ADGRB3: variants seen among roughly 807,000 people sequenced by gnomAD.
ADGRB3 encodes the protein brain-specific angiogenesis inhibitor 3.
ADGRB3 carries 37 observed loss-of-function variants against 193.4 expected under a neutral mutation model. That is an observed-to-expected ratio of 0.19 (90% CI 0.15 to 0.25). ADGRB3 has a LOEUF of 0.25. Among genes scored for constraint, ADGRB3 ranks in the 10% least tolerant of loss-of-function variants. ADGRB3 has a pLI of 1.00. For synonymous variants in ADGRB3, 690 were observed against 644.2 expected (o/e 1.07, Z -1.08); for missense variants, 1,637 against 1,852.9 (o/e 0.88, Z 2.14).
At chr6:69,248,767 T>G (rs913417735) in intron 20 of ADGRB3, among the ~76,000 whole-genome samples, 1 of 152,200 alleles carries the variant, frequency 6.6e-6, no homozygotes, top group Non-Finnish European at 1.5e-5. Context: ...AGAAGTATCT[T>G]ATGTGCATAC....
chr6:68,976,341 C>G lies in ADGRB3; in HGVS notation c.1734+1001C>G, dbSNP rs778586385. Among the ~76,000 whole-genome samples the G allele has an allele frequency of 5.9e-5, 9 of 151,998 alleles. No individual in the cohort carries two copies. The East Asian group carries it at 1.5e-3, about 26-fold the overall frequency. On this transcript the variant is annotated intron_variant, in intron 10 of 31. Coordinates refer to ENST00000370598, the MANE Select transcript of ADGRB3 (RefSeq NM_001704.3). Reference sequence around the variant, plus strand: ...AAGTCAAATTCTGTACAGCATGTTTCCTTATGAAACTTGGAGTTAAATTTA... The same window carrying G: ...AAGTCAAATTCTGTACAGCATGTTTGCTTATGAAACTTGGAGTTAAATTTA...
At chr6:69,133,626 G>A (rs1330519442) in intron 17 of ADGRB3, among the ~76,000 whole-genome samples, 2 of 151,784 alleles carry the variant, frequency 1.3e-5, no homozygotes, top group African/African-American at 4.8e-5. Flanking sequence ...TATGTGGCCA[G>A]CATCATCCTG....
chr6:68,911,276 G>A (rs1183648879), intron 3 of ADGRB3, among the ~76,000 whole-genome samples: 2 of 123,936 alleles, frequency 1.6e-5, no homozygotes, highest in Non-Finnish European at 3.3e-5. Context: ...GTGGGGTGGG[G>A]GGAGGGGGGA....
At chr6:69,097,714 G>A (rs915581345) in intron 17 of ADGRB3, among the ~76,000 whole-genome samples, 21 of 151,732 alleles carry the variant, frequency 1.4e-4, no homozygotes, top group South Asian at 2.1e-4. Flanking sequence ...GTGTGTGTGT[G>A]TATATATGGC....
chr6:69,011,317 C>T (rs1769930652), intron 11 of ADGRB3, among the ~76,000 whole-genome samples: 1 of 151,902 alleles, frequency 6.6e-6, no homozygotes, highest in Admixed American at 6.6e-5. Flanking sequence ...GAAATCATGC[C>T]CTGTGCTGCA....
intron 3 of ADGRB3, among the ~76,000 whole-genome samples, chr6:68,650,720 A>G (rs1348190606): frequency 6.6e-6 from 1 of 152,170 alleles, no homozygotes; most frequent in African/African-American, 2.4e-5. Context: ...CCGGAAAACA[A>G]TCAAGGCAAC....
At chr6:68,977,766 T>A (rs867435783) in intron 10 of ADGRB3, among the ~76,000 whole-genome samples, 2 of 152,234 alleles carry the variant, frequency 1.3e-5, no homozygotes, top group Non-Finnish European at 1.5e-5. Context: ...CATAAATGAA[T>A]CCCAGTCCTC....
chr6:68,755,985 G>A (rs1043872767), intron 3 of ADGRB3, among the ~76,000 whole-genome samples: 3 of 152,000 alleles, frequency 2.0e-5, no homozygotes, highest in African/African-American at 7.2e-5. Flanking sequence ...CTTAGGTAGA[G>A]GAAAAAATGC....
intron 17 of ADGRB3, among the ~76,000 whole-genome samples, chr6:69,117,014 T>C (rs1400893123): frequency 2.0e-5 from 3 of 152,234 alleles, no homozygotes; most frequent in Non-Finnish European, 4.4e-5. Flanking sequence ...ATACTTCCTC[T>C]AGTTCCAACT....
intron 13 of ADGRB3, 109 bp downstream of exon 13, chr6:69,018,608 A>G: frequency 1.5e-6 from 1 of 656,556 alleles, no homozygotes; most frequent in Non-Finnish European, 2.6e-6. Flanking sequence ...GTTTAACTGC[A>G]TGTGAGCAAA....
chr6:69,173,726 T>A (rs1775350744), intron 17 of ADGRB3, among the ~76,000 whole-genome samples: 1 of 152,064 alleles, frequency 6.6e-6, no homozygotes, highest in African/African-American at 2.4e-5. Context: ...CTAGAGGGAA[T>A]GGAAGAATGA....
intron 20 of ADGRB3, among the ~76,000 whole-genome samples, chr6:69,296,194 A>G (rs1767812885): frequency 6.6e-6 from 1 of 152,166 alleles, no homozygotes; most frequent in Non-Finnish European, 1.5e-5. Context: ...CCAAAGTGAG[A>G]TAGGCTTATT....
chr6:69,330,481 A>C (rs1023628554), intron 22 of ADGRB3, 25 bp from the exon 23 acceptor site: 8 of 1,581,958 alleles, frequency 5.1e-6, no homozygotes, highest in African/African-American at 2.7e-5. Context: ...AATTTTTGTT[A>C]GTTCTTATCT....
At chr6:68,937,361 T>C (rs1026070137) in intron 5 of ADGRB3, among the ~76,000 whole-genome samples, 20 of 152,148 alleles carry the variant, frequency 1.3e-4, no homozygotes, top group Non-Finnish European at 2.5e-4. Context: ...TATAGACATT[T>C]CTCCCTCCCA....
chr6:69,083,081 T>C (rs1772433596), intron 17 of ADGRB3, among the ~76,000 whole-genome samples: 1 of 152,192 alleles, frequency 6.6e-6, no homozygotes, highest in African/African-American at 2.4e-5. Flanking sequence ...ATAGAAATAT[T>C]CAAATGGGAA....
At chr6:69,322,689 G>C (rs142490404) in intron 20 of ADGRB3, among the ~76,000 whole-genome samples, 3 of 151,972 alleles carry the variant, frequency 2.0e-5, no homozygotes, top group African/African-American at 7.2e-5. Context: ...GCAAAGTGTA[G>C]CTCCTTTTTT....
In ADGRB3 at chr6:68,854,628, A is replaced by T. The variant is rs181779033; in HGVS notation, c.758-75931A>T. Among the ~76,000 whole-genome samples the T allele has an allele frequency of 2.2e-3, 333 of 152,148 alleles. 1 individual carries two copies. The highest frequency in any genetic ancestry group is 4.3e-3 in the Admixed American group (66 of 15,278). Reference sequence around the variant, plus strand: ...GCCTATAAAAAACTGTCCTCATCTTAGCAAAGGGTTTGGCCATAGAGAAAA... The same window carrying T: ...GCCTATAAAAAACTGTCCTCATCTTTGCAAAGGGTTTGGCCATAGAGAAAA... On this transcript the variant is annotated intron_variant, in intron 3 of 31. Transcript: ENST00000370598.
chr6:68,671,184 A>AT (rs1768947890), intron 3 of ADGRB3, among the ~76,000 whole-genome samples: 2 of 151,958 alleles, frequency 1.3e-5, no homozygotes, highest in Admixed American at 6.6e-5. Flanking sequence ...TAAATATAAG[A>AT]TTATATCATC....
At chr6:68,656,315 C>A (rs1056182397) in intron 3 of ADGRB3, among the ~76,000 whole-genome samples, 1 of 151,470 alleles carries the variant, frequency 6.6e-6, no homozygotes, top group Admixed American at 6.6e-5. Context: ...GATTAGAAAA[C>A]CACCTTCTGG....
Sources: gnomAD v4.1 joint callset for allele counts (sites outside exome capture counted in the v4.1 genomes callset) on GRCh38, gnomAD v4.1.1 for gene constraint, MANE v1.5 for transcripts, NCBI Gene and HGNC (gene_info 2026-07-23, HGNC 2026-07-21) for gene names.